The following RRAGB variants were observed in gnomAD, a reference collection of about 807,000 sequenced individuals.
The protein encoded by RRAGB is Ras related GTP binding B, also known as ras-related GTP-binding protein B.
A neutral mutation model predicts 29.3 loss-of-function variants in RRAGB; 6 were observed. The observed-to-expected ratio is 0.21, with a 90% CI of 0.11 to 0.40. The LOEUF (loss-of-function observed/expected upper bound fraction) is 0.40, where lower values mean the gene tolerates loss of function less well. Ranked by LOEUF, RRAGB falls within the 10% of genes least tolerant of loss-of-function variation. RRAGB has a pLI of 1.00. For synonymous variants in RRAGB, 101 were observed against 92.5 expected, an observed-to-expected ratio of 1.09 and a Z score of -0.53; for missense variants, 184 against 272.9, an observed-to-expected ratio of 0.67 and a Z score of 2.29.
chrX:55,736,331 T>C (rs990239324), intron 5 of RRAGB, among the ~76,000 whole-genome samples: 2 of 112,439 alleles, frequency 1.8e-5, no homozygotes, highest in Non-Finnish European at 3.8e-5. Flanking sequence ...TTTATCTGAT[T>C]GTGTTAATTT....
Position 55,722,200 on chromosome X carries a change from TA to T in RRAGB, c.145del (p.Ser49ValfsTer8). On this transcript the variant is annotated frameshift_variant, in exon 3 of 10. Coordinates refer to ENST00000374941, the MANE Select transcript of RRAGB (RefSeq NM_006064.5). LOFTEE classifies it high-confidence loss of function. ...AMKKKVLLMG[K>X]SGSGKTSMRS... Reference sequence around the variant, plus strand: ...TTTGTCCTTAGGTGCTGTTGATGGGTAAAAGTGGGTCTGGTAAGACCAGCAT... The same window carrying T: ...TTTGTCCTTAGGTGCTGTTGATGGGTAAAGTGGGTCTGGTAAGACCAGCAT... 1 of 1,187,691 alleles carries T rather than the reference TA, an allele frequency of 8.4e-7. No individual in the cohort carries two copies. The highest frequency in any genetic ancestry group is 1.1e-6 in the Non-Finnish European group (1 of 876,127).
chrX:55,734,352 G>A (rs1324010925), intron 5 of RRAGB, among the ~76,000 whole-genome samples: 1 of 108,591 alleles, frequency 9.2e-6, no homozygotes, highest in South Asian at 4.0e-4. Context: ...ATTGAAGCTT[G>A]TGTGGTTGTA....
intron 5 of RRAGB, among the ~76,000 whole-genome samples, chrX:55,731,888 G>A (rs1002038452): frequency 1.8e-5 from 2 of 111,947 alleles, no homozygotes; most frequent in African/African-American, 6.5e-5. Flanking sequence ...CTTCAAAGCA[G>A]GGAGATAGTG....
chrX:55,746,524 A>G (rs1271254371), intron 5 of RRAGB, among the ~76,000 whole-genome samples: 2 of 112,225 alleles, frequency 1.8e-5, no homozygotes, highest in Admixed American at 1.9e-4. Flanking sequence ...GCCTACAGAG[A>G]AGAATGATCA....
Position 55,718,241 on chromosome X carries a change from G to C in RRAGB, c.-87G>C. On this transcript the variant is annotated 5_prime_UTR_variant, in exon 1 of 10. Transcript: ENST00000374941. The stretch of plus-strand genomic sequence containing the variant: ...TAGGCGATGAGAATAGGCAGTTGAG[G>C]GGTGAAAAAGAAAACAAACAAACAA... 1 of 690,902 alleles carries C rather than the reference G, an allele frequency of 1.4e-6. No individual in the cohort carries two copies. The highest frequency in any genetic ancestry group is 2.1e-6 in the Non-Finnish European group (1 of 469,266). 56.9% of individuals were successfully genotyped at this position (690,902 alleles called of 1,213,427 possible). A position where few individuals can be genotyped will look rare whatever the true frequency, so the allele number is the denominator to read the frequency against.
intron 5 of RRAGB, among the ~76,000 whole-genome samples, chrX:55,739,445 G>C (rs992591565): frequency 8.9e-6 from 1 of 112,231 alleles, no homozygotes; most frequent in Non-Finnish European, 1.9e-5. Flanking sequence ...GGGTTTCAGG[G>C]TACATGCAAA....
intron 5 of RRAGB, among the ~76,000 whole-genome samples, chrX:55,748,556 C>T (rs1489953947): frequency 7.2e-5 from 8 of 111,087 alleles, no homozygotes; most frequent in Non-Finnish European, 1.9e-5. Context: ...TCTGCTGGGC[C>T]GTGACCCCGT....
At chrX:55,726,516 A>G in intron 3 of RRAGB, among the ~76,000 whole-genome samples, 2 of 111,735 alleles carry the variant, frequency 1.8e-5, no homozygotes, top group Middle Eastern at 4.6e-3. Context: ...AAACTATTTT[A>G]ATAGACCAGG....
chrX:55,758,751 TAAATAA>T lies in RRAGB; in HGVS notation c.*410_*415del, dbSNP rs2047343169. On this transcript the variant is annotated 3_prime_UTR_variant, in exon 10 of 10. Transcript: ENST00000374941. ...TAAAAATATTCCTTAACTTCAATTG[TAAATAA>T]ACTTTTGGTGTTAGGGATTTCAGTG... The T allele has an allele frequency of 8.8e-6, 1 of 114,002 alleles. No individual in the cohort carries two copies. Among genetic ancestry groups the T allele is most frequent in the Non-Finnish European group, 1.8e-5 (1 of 54,193 alleles). 9.4% of individuals were successfully genotyped at this position (114,002 alleles called of 1,213,427 possible). A position where few individuals can be genotyped will look rare whatever the true frequency, so the allele number is the denominator to read the frequency against.
At chrX:55,745,876 G>C (rs901487849) in intron 5 of RRAGB, among the ~76,000 whole-genome samples, 1 of 112,112 alleles carries the variant, frequency 8.9e-6, no homozygotes, top group Non-Finnish European at 1.9e-5. Context: ...ACATGAGACA[G>C]ACCTGAGCTA....
intron 5 of RRAGB, among the ~76,000 whole-genome samples, chrX:55,735,927 AGATAG>A (rs1056682318): frequency 6.2e-5 from 7 of 112,275 alleles, no homozygotes; most frequent in Admixed American, 4.7e-4. Context: ...AGGAGACTAA[AGATAG>A]GACTCAATCC....
At chrX:55,745,188 A>G (rs2034206919) in intron 5 of RRAGB, among the ~76,000 whole-genome samples, 1 of 112,351 alleles carries the variant, frequency 8.9e-6, no homozygotes, top group Non-Finnish European at 1.9e-5. Context: ...GCATAATGTC[A>G]TCAATGTAAT....
At position 55,758,271 on chromosome X, in the gene RRAGB, C is replaced by T. The variant is rs745506094; in HGVS notation, c.969C>T (p.Ile323=). 3 of 1,204,667 alleles carry T rather than the reference C, an allele frequency of 2.5e-6. No individual in the cohort carries two copies. The highest frequency in any genetic ancestry group is 3.5e-5 in the African/African-American group (2 of 57,013). Residue 323 remains isoleucine (I), a synonymous_variant, in exon 10 of 10, where the codon ATC becomes ATT. Coordinates refer to ENST00000374941, the MANE Select transcript of RRAGB (RefSeq NM_006064.5). The part of the protein sequence containing the change: ...SIPSAATLIN[I]RNARKHFEKL... ...CTTCTGCAGCTACTCTGATCAACAT[C>T]CGCAATGCCAGGAAACACTTTGAAA...
At chrX:55,728,958 G>A (rs889537567) in intron 3 of RRAGB, among the ~76,000 whole-genome samples, 2 of 110,056 alleles carry the variant, frequency 1.8e-5, no homozygotes, top group Admixed American at 9.7e-5. Context: ...TGAGGTTGGT[G>A]GGGGCAAGTG....
chrX:55,748,833 G>A (rs1201931252), intron 5 of RRAGB, among the ~76,000 whole-genome samples: 2 of 102,574 alleles, frequency 1.9e-5, no homozygotes, highest in African/African-American at 7.2e-5. Context: ...GGAGGTGAGG[G>A]GTGCCTCTGC....
intron 5 of RRAGB, among the ~76,000 whole-genome samples, chrX:55,735,803 G>A (rs1198685451): frequency 1.8e-5 from 2 of 112,345 alleles, no homozygotes; most frequent in Non-Finnish European, 3.8e-5. Context: ...GTCTGGTCTG[G>A]TGGAGACAAA....
intron 5 of RRAGB, among the ~76,000 whole-genome samples, chrX:55,747,542 A>G (rs1220823191): frequency 1.8e-5 from 2 of 112,007 alleles, no homozygotes; most frequent in East Asian, 5.6e-4. Flanking sequence ...GTTCAGCACA[A>G]TTAGGATCAG....
At chrX:55,747,857 CCTCTCCCTCTTT>C (rs1418097601) in intron 5 of RRAGB, among the ~76,000 whole-genome samples, 9 of 105,705 alleles carry the variant, frequency 8.5e-5, no homozygotes. Flanking sequence ...CCACGGTCTC[CCTCTCCCTCTTT>C]CCACGGTCTC....
chrX:55,745,962 G>A (rs992469467), intron 5 of RRAGB, among the ~76,000 whole-genome samples: 9 of 111,407 alleles, frequency 8.1e-5, no homozygotes, highest in Non-Finnish European at 1.7e-4. Context: ...AGGTCTCACT[G>A]GAATTAGGGT....
Sources: allele counts gnomAD v4.1 joint callset (sites outside exome capture counted in the v4.1 genomes callset), GRCh38; gene constraint gnomAD v4.1.1; transcripts MANE v1.5; gene names NCBI Gene and HGNC (gene_info 2026-07-23, HGNC 2026-07-21).